Variants in SQLE observed in about 807,000 individuals in gnomAD.
SQLE encodes squalene epoxidase, also known as squalene monooxygenase.
Under a neutral mutation model 60.7 loss-of-function variants are expected in SQLE, and 29 were observed. The ratio of observed to expected loss-of-function variants is 0.48; its 90% CI spans 0.36 to 0.65. The LOEUF is 0.65. Among genes scored for constraint, SQLE ranks in the 30% least tolerant of loss-of-function variants. SQLE has a pLI of 0.00. For missense variants in SQLE, 605 were observed against 684.1 expected (o/e 0.88, Z 1.29); for synonymous variants, 237 against 246.8 (o/e 0.96, Z 0.37).
chr8:125,022,012 A>AG lies in SQLE; in HGVS notation c.*69dup. 3 of 1,260,564 alleles carry AG rather than the reference A, an allele frequency of 2.4e-6. No homozygotes were observed. In the African/African-American group the frequency reaches 4.5e-5, roughly 19 times the overall value. The allele number at this position is 1,260,564 out of a possible 1,614,324, so 78.1% of individuals were successfully genotyped here. ...CCAAGTCCTAAGAGACTTTTGGAAGAGGATATATATAGCATAGTACCATAC... is the reference window on the plus strand; with the variant it reads ...CCAAGTCCTAAGAGACTTTTGGAAGAGGGATATATATAGCATAGTACCATAC... On this transcript the variant is annotated 3_prime_UTR_variant, in exon 11 of 11. Transcript: ENST00000265896.
Position 124,999,356 on chromosome 8 carries a change from G to C in SQLE, c.-48G>C. On this transcript the variant is annotated 5_prime_UTR_variant, in exon 1 of 11. Coordinates refer to ENST00000265896, the MANE Select transcript of SQLE (RefSeq NM_003129.4). Reference sequence around the variant, plus strand: ...TGGGGAGAACCTTAAACCCACTCGAGCAGATAATCTCCGCCTTGACCGGTG... The same window carrying C: ...TGGGGAGAACCTTAAACCCACTCGACCAGATAATCTCCGCCTTGACCGGTG... The C allele has an allele frequency of 6.8e-7, 1 of 1,469,626 alleles. No individual in the cohort carries two copies. Among genetic ancestry groups the C allele is most frequent in the South Asian group, 1.5e-5 (1 of 66,408 alleles). The allele number at this position is 1,469,626 out of a possible 1,614,324, so 91.0% of individuals were successfully genotyped here.
intron 10 of SQLE, 187 bp downstream of exon 10, chr8:125,021,058 C>G (rs1312651252): frequency 1.9e-6 from 1 of 517,416 alleles, no homozygotes; most frequent in Non-Finnish European, 3.5e-6. Context: ...TTCTAGGGAA[C>G]AGCAGTTAAA....
intron 10 of SQLE, among the ~76,000 whole-genome samples, chr8:125,021,528 T>TAA (rs3215422): frequency 1.2e-5 from 1 of 85,894 alleles, no homozygotes; most frequent in Non-Finnish European, 2.1e-5. Context: ...TATTTTTTCT[T>TAA]AAAAAAAAAA....
intron 9 of SQLE, among the ~76,000 whole-genome samples, chr8:125,019,921 T>C (rs1271795244): frequency 1.3e-5 from 2 of 152,114 alleles, no homozygotes; most frequent in Admixed American, 1.3e-4. Context: ...AACAAATTTC[T>C]CTTGCTAAAT....
chr8:125,021,617 G>A (rs1815206490), intron 10 of SQLE, 136 bp from the exon 11 acceptor site: 5 of 610,256 alleles, frequency 8.2e-6, no homozygotes, highest in East Asian at 3.0e-5. Flanking sequence ...AATGTAGAAT[G>A]TTTCATACAG....
At chr8:125,009,651 C>T (rs558667809) in intron 6 of SQLE, among the ~76,000 whole-genome samples, 10 of 152,036 alleles carry the variant, frequency 6.6e-5, no homozygotes, top group South Asian at 2.1e-4. Context: ...CAAAATTAGC[C>T]GAGTGTGGTG....
Position 125,005,490 on chromosome 8 carries a change from C to T in SQLE, c.545-35C>T, listed in dbSNP as rs769935236. 3.3e-6 allele frequency: 5 copies of T among 1,505,434 alleles called. No individual in the cohort carries two copies. The Admixed American group carries it at 1.0e-4, about 30-fold the overall frequency. 93.3% of individuals were successfully genotyped at this position (1,505,434 alleles called of 1,614,324 possible). A position where few individuals can be genotyped will look rare whatever the true frequency, so the allele number is the denominator to read the frequency against. ...CTTAGTTTAACGCTGGGTGTGTTAA[C>T]AGAATTGATTGTTTTGAACTCGATT... On this transcript the variant is annotated intron_variant, in intron 2 of 10. Coordinates refer to ENST00000265896, the MANE Select transcript of SQLE (RefSeq NM_003129.4).
chr8:125,021,970 T>A lies in SQLE; in HGVS notation c.*25T>A, dbSNP rs753191474. 5 of 1,544,686 alleles carry A rather than the reference T, an allele frequency of 3.2e-6. No individual in the cohort carries two copies. Among genetic ancestry groups the A allele is most frequent in the Non-Finnish European group, 4.4e-6 (5 of 1,137,416 alleles). On this transcript the variant is annotated 3_prime_UTR_variant, in exon 11 of 11. Transcript: ENST00000265896. ...AGCTTAAAGGGGAACCATTTGTGAATGAATATTTGGAACTTACCAAGTCCT... is the reference window on the plus strand; with the variant it reads ...AGCTTAAAGGGGAACCATTTGTGAAAGAATATTTGGAACTTACCAAGTCCT...
At position 124,999,287 on chromosome 8, in the gene SQLE, C is replaced by G; in HGVS notation, c.-117C>G. 1 of 995,562 alleles carries G rather than the reference C, an allele frequency of 1.0e-6. No homozygotes were observed. Among genetic ancestry groups the G allele is most frequent in the South Asian group, 2.9e-5 (1 of 34,968 alleles). 61.7% of individuals were successfully genotyped at this position (995,562 alleles called of 1,614,324 possible). ...ACTTCTCGTCCTGGGACACTGTTTA[C>G]TGGAGTCTGGCCGGCTCTCCGTGCT... is the stretch of plus-strand genomic sequence containing the variant. On this transcript the variant is annotated 5_prime_UTR_variant, in exon 1 of 11. Coordinates refer to ENST00000265896, the MANE Select transcript of SQLE (RefSeq NM_003129.4).
rs201600660 is a variant in SQLE, at chr8:125,018,725, A to T, written c.1442A>T (p.Asp481Val). Residue 481 changes from aspartate (D) to valine (V), a missense_variant and splice_region_variant, in exon 9 of 11, where the codon GAT becomes GTT. By Grantham distance (152) the Asp-to-Val change is radical (BLOSUM62 -3). Coordinates refer to ENST00000265896, the MANE Select transcript of SQLE (RefSeq NM_003129.4). ...QALYELFSAT[D>V]DSLHQLRKAC... ...CTTTATGAATTATTTTCTGCCACAG[A>T]TGGTAAGTGTAGACACTTTTTAGTG... 1.6e-4 allele frequency: 248 copies of T among 1,593,250 alleles called. 2 individuals carry two copies. The highest frequency in any genetic ancestry group is 8.9e-5 in the Admixed American group (5 of 56,374).
Position 125,018,203 on chromosome 8 carries a change from T to C in SQLE, c.1347+2T>C. On this transcript the variant is annotated splice_donor_variant, in intron 8 of 10. Coordinates refer to ENST00000265896, the MANE Select transcript of SQLE (RefSeq NM_003129.4). LOFTEE classifies it high-confidence loss of function. Reference sequence around the variant, plus strand: ...TATGATGATGCAGCTATTTTCGAGGTAAGATCAATTATTTTGACAAAAATG... The same window carrying C: ...TATGATGATGCAGCTATTTTCGAGGCAAGATCAATTATTTTGACAAAAATG... 2 of 1,606,890 alleles carry C rather than the reference T, an allele frequency of 1.2e-6. No homozygotes were observed. Among genetic ancestry groups the C allele is most frequent in the Non-Finnish European group, 1.7e-6 (2 of 1,178,014 alleles).
At chr8:125,006,982 TG>T (rs1563597058) in intron 3 of SQLE, among the ~76,000 whole-genome samples, 1 of 152,138 alleles carries the variant, frequency 6.6e-6, no homozygotes, top group African/African-American at 2.4e-5. Context: ...GGATTACAGG[TG>T]TGAGCCACCG....
At chr8:125,006,802 T>G (rs1177616570) in intron 3 of SQLE, among the ~76,000 whole-genome samples, 2 of 151,194 alleles carry the variant, frequency 1.3e-5, no homozygotes, top group Non-Finnish European at 2.9e-5. Flanking sequence ...CCTCCCGAGT[T>G]CAAGCAATTC....
intron 1 of SQLE, among the ~76,000 whole-genome samples, chr8:125,001,464 G>A (rs1814849867): frequency 7.1e-6 from 1 of 140,050 alleles, no homozygotes; most frequent in Non-Finnish European, 1.5e-5. Context: ...GTGTGTGTGT[G>A]TGTGTGTGTG....
At chr8:125,012,393 C>T (rs944694555) in intron 7 of SQLE, among the ~76,000 whole-genome samples, 1 of 152,140 alleles carries the variant, frequency 6.6e-6, no homozygotes, top group African/African-American at 2.4e-5. Context: ...CCAAAGAAAC[C>T]CCGTACCCAT....
At chr8:125,020,721 TATATC>T in intron 9 of SQLE, 58 bp from the exon 10 acceptor site, 1 of 997,122 alleles carries the variant, frequency 1.0e-6, no homozygotes, top group Non-Finnish European at 1.6e-6. Context: ...TTTTTTCTGA[TATATC>T]ATTAGCATCC....
chr8:125,009,176 C>T lies in SQLE; in HGVS notation c.941C>T (p.Ala314Val). 1 of 1,596,916 alleles carries T rather than the reference C, an allele frequency of 6.3e-7. No individual in the cohort carries two copies. The change falls in exon 6 of 11, where the codon GCA becomes GTA. Residue 314 changes from alanine to valine, a missense_variant. Ala to Val is a moderately conservative substitution (Grantham distance 64). Coordinates refer to ENST00000265896, the MANE Select transcript of SQLE (RefSeq NM_003129.4). The stretch of plus-strand genomic sequence containing the variant: ...TTTTCTTTTTATTTGTTTTAGAATG[C>T]ACCACAGTTTAAAGCAAATCATGCT... ...SHFVGFLMKN[A>V]PQFKANHAEL...
chr8:125,000,098 C>T (rs1377833001), intron 1 of SQLE: 1 of 458,278 alleles, frequency 2.2e-6, no homozygotes. Context: ...TAAGAAGTGA[C>T]AGCTGACTGG....
In SQLE at chr8:125,021,027, C is replaced by T. The variant is rs117795633; in HGVS notation, c.1532+156C>T. The T allele has an allele frequency of 1.0e-3, 617 of 600,172 alleles. 2 individuals carry two copies. Among genetic ancestry groups the T allele is most frequent in the Non-Finnish European group, 1.7e-3 (550 of 329,718 alleles). 37.2% of individuals were successfully genotyped at this position (600,172 alleles called of 1,614,324 possible). ...GGTGGCCCAAAGAAATGAAGAAACG[C>T]AATATTTAGTACTGTTTTCTTTCTA... On this transcript the variant is annotated intron_variant, in intron 10 of 10. Transcript: ENST00000265896.
Sources: gnomAD v4.1 joint callset for allele counts (sites outside exome capture counted in the v4.1 genomes callset) on GRCh38, gnomAD v4.1.1 for gene constraint, MANE v1.5 for transcripts, NCBI Gene and HGNC (gene_info 2026-07-23, HGNC 2026-07-21) for gene names.